Variants in ZNF280D observed in about 807,000 individuals in gnomAD.
ZNF280D encodes the protein suppressor of hairy wing homolog 4.
ZNF280D carries 39 observed loss-of-function variants against 94.7 expected under a neutral mutation model. The ratio of observed to expected loss-of-function variants is 0.41; its 90% CI spans 0.32 to 0.54. ZNF280D has a LOEUF of 0.54. Among genes scored for constraint, ZNF280D ranks in the 20% least tolerant of loss-of-function variants. The pLI is 0.22. For synonymous variants in ZNF280D, 398 were observed against 377.6 expected (o/e 1.05, Z -0.63); for missense variants, 1,090 against 1,149.3 (o/e 0.95, Z 0.75).
intron 1 of ZNF280D, among the ~76,000 whole-genome samples, chr15:56,719,592 A>G (rs1399581486): frequency 1.3e-5 from 2 of 152,158 alleles, no homozygotes; most frequent in Admixed American, 6.5e-5. Context: ...ACAGACAGAG[A>G]AAGACACCCT....
At position 56,695,533 on chromosome 15, in the gene ZNF280D, C is replaced by CTTTT. The variant is rs10652553; in HGVS notation, c.382-2322_382-2319dup. Among the ~76,000 whole-genome samples, 16 of 140,730 alleles carry CTTTT rather than the reference C, an allele frequency of 1.1e-4. 1 individual carries two copies. The highest frequency in any genetic ancestry group is 2.2e-4 in the Admixed American group (3 of 13,834). 92.3% of individuals were successfully genotyped at this position (140,730 alleles called of 152,430 possible). ...GATAAAACTATTGTGCAAAAATTAACTTTTTTTTTTTTTTTGAGACGGAGT... is the reference window on the plus strand; with the variant it reads ...GATAAAACTATTGTGCAAAAATTAACTTTTTTTTTTTTTTTTTTTGAGACGGAGT... On this transcript the variant is annotated intron_variant, in intron 6 of 21. Transcript: ENST00000267807.
intron 7 of ZNF280D, among the ~76,000 whole-genome samples, chr15:56,691,326 T>C (rs113189096): frequency 6.6e-6 from 1 of 152,188 alleles, no homozygotes; most frequent in Non-Finnish European, 1.5e-5. Flanking sequence ...TACTGATAGA[T>C]ATACTGTAGG....
chr15:56,704,362 A>G, intron 3 of ZNF280D, 95 bp from the exon 4 acceptor site: 4 of 1,178,424 alleles, frequency 3.4e-6, no homozygotes, highest in Non-Finnish European at 3.6e-6. Context: ...GTGTACTTTA[A>G]TAATCTTAAT....
intron 1 of ZNF280D, among the ~76,000 whole-genome samples, chr15:56,709,582 C>T (rs1330960253): frequency 6.6e-6 from 1 of 152,082 alleles, no homozygotes; most frequent in Non-Finnish European, 1.5e-5. Context: ...CGGCACTATT[C>T]ACAATAGCAA....
intron 6 of ZNF280D, chr15:56,700,476 C>CA (rs1247657545): frequency 1.3e-5 from 12 of 950,816 alleles, no homozygotes; most frequent in Middle Eastern, 5.3e-4. Flanking sequence ...CTTTTTGTAA[C>CA]AAAAAAAGTG....
chr15:56,675,849 T>C (rs2055195570), intron 13 of ZNF280D, among the ~76,000 whole-genome samples: 1 of 152,072 alleles, frequency 6.6e-6, no homozygotes, highest in Non-Finnish European at 1.5e-5. Flanking sequence ...TTGACAAAAT[T>C]TGATTACATG....
intron 1 of ZNF280D, among the ~76,000 whole-genome samples, chr15:56,727,899 G>A (rs1313162546): frequency 3.3e-5 from 5 of 152,082 alleles, no homozygotes; most frequent in Non-Finnish European, 4.4e-5. Flanking sequence ...AAGGAAATAC[G>A]GCATTCTCAT....
chr15:56,726,817 A>C (rs1478111854), intron 1 of ZNF280D, among the ~76,000 whole-genome samples: 5 of 152,250 alleles, frequency 3.3e-5, no homozygotes. Context: ...CAGAGAGGGA[A>C]AACAATTCCT....
At chr15:56,653,535 T>C (rs1267575587) in intron 19 of ZNF280D, 3 of 1,522,722 alleles carry the variant, frequency 2.0e-6, no homozygotes, top group Non-Finnish European at 2.6e-6. Context: ...GTTGTGTCCA[T>C]CGAAGGGGGA....
At chr15:56,633,095 C>T (rs1451590763) in intron 21 of ZNF280D, among the ~76,000 whole-genome samples, 3 of 152,188 alleles carry the variant, frequency 2.0e-5, no homozygotes, top group Middle Eastern at 3.4e-3. Context: ...TTATCTAGAT[C>T]TAAGGATGCT....
At chr15:56,670,389 CTA>C (rs2054780619) in intron 13 of ZNF280D, among the ~76,000 whole-genome samples, 1 of 151,726 alleles carries the variant, frequency 6.6e-6, no homozygotes, top group Non-Finnish European at 1.5e-5. Context: ...TTGTTCCCCT[CTA>C]TGTGTCTTGT....
Position 56,701,179 on chromosome 15 carries a change from T to C in ZNF280D, c.235A>G (p.Ser79Gly). 2 of 1,594,564 alleles carry C rather than the reference T, an allele frequency of 1.3e-6. No homozygotes were observed. The highest frequency in any genetic ancestry group is 1.7e-6 in the Non-Finnish European group (2 of 1,169,924). Residue 79 changes from serine to glycine, a missense_variant, in exon 5 of 22, where the codon AGT becomes GGT. Ser to Gly is a moderately conservative substitution (Grantham distance 56, BLOSUM62 0). Transcript: ENST00000267807. ...TAGTATAATAATACTGTACCTCGAC[T>C]GAGTGCACCATTCTTTAGTCCCCTT... ...YSRGLKNGAL[S>G]RGITAAFKPT...
rs1165173733 is a variant in ZNF280D at position 56,658,503 on chromosome 15, G to A, written c.1995-17C>T. ...CTATGAAAGCTGGAGAAACAAAAGA[G>A]ATAGTAAAAATTTTATTATACAATA... On this transcript the variant is annotated splice_polypyrimidine_tract_variant and intron_variant, in intron 16 of 21. Transcript: ENST00000267807. The A allele has an allele frequency of 1.3e-6, 2 of 1,531,456 alleles. No individual in the cohort carries two copies. Among genetic ancestry groups the A allele is most frequent in the South Asian group, 2.6e-5 (2 of 75,990 alleles). 94.9% of individuals were successfully genotyped at this position (1,531,456 alleles called of 1,614,324 possible).
chr15:56,701,093 A>G, intron 5 of ZNF280D, 21 bp from the exon 6 acceptor site: 1 of 1,613,018 alleles, frequency 6.2e-7, no homozygotes, highest in Non-Finnish European at 8.5e-7. Context: ...AAGTAACACA[A>G]TATATGGAAA....
chr15:56,724,821 GA>G, intron 1 of ZNF280D: 1 of 446,644 alleles, frequency 2.2e-6, no homozygotes, highest in South Asian at 1.6e-5. Flanking sequence ...TAGTGTCACT[GA>G]AGTAGTGCCA....
intron 1 of ZNF280D, among the ~76,000 whole-genome samples, chr15:56,713,749 C>A (rs1435777111): frequency 6.6e-6 from 1 of 152,128 alleles, no homozygotes; most frequent in Admixed American, 6.5e-5. Context: ...CACCACCTTA[C>A]AATCCTAAGA....
At chr15:56,668,716 G>C in intron 14 of ZNF280D, 107 bp downstream of exon 14, 2 of 1,085,088 alleles carry the variant, frequency 1.8e-6, no homozygotes, top group Non-Finnish European at 2.5e-6. Context: ...ATTAGAGTCT[G>C]AGCAAAAATC....
intron 1 of ZNF280D, among the ~76,000 whole-genome samples, chr15:56,723,478 G>C (rs1340779060): frequency 1.3e-5 from 2 of 152,148 alleles, no homozygotes; most frequent in African/African-American, 4.8e-5. Context: ...ACAACACTAT[G>C]AATGTACTAA....
chr15:56,630,444 T>C lies in ZNF280D; in HGVS notation c.*1054A>G, dbSNP rs546940041. On this transcript the variant is annotated 3_prime_UTR_variant, in exon 22 of 22. Coordinates refer to ENST00000267807, the MANE Select transcript of ZNF280D (RefSeq NM_017661.4). Reference sequence around the variant, plus strand: ...AAAAATCAATTTAGCAGCCATCTTATAGATAAATTAGGCTAAATTTCCAAA... The same window carrying C: ...AAAAATCAATTTAGCAGCCATCTTACAGATAAATTAGGCTAAATTTCCAAA... 6.6e-6 allele frequency: 1 copy of C among 152,282 alleles called. No homozygotes were observed. Among genetic ancestry groups the C allele is most frequent in the African/African-American group, 2.4e-5 (1 of 41,584 alleles). The allele number at this position is 152,282 out of a possible 1,614,324, so 9.4% of individuals were successfully genotyped here. A position where few individuals can be genotyped will look rare whatever the true frequency, so the allele number is the denominator to read the frequency against.
Sources: gnomAD v4.1 joint callset for allele counts (sites outside exome capture counted in the v4.1 genomes callset) on GRCh38, gnomAD v4.1.1 for gene constraint, MANE v1.5 for transcripts, NCBI Gene and HGNC (gene_info 2026-07-23, HGNC 2026-07-21) for gene names.